Variants in KLHL23 observed in about 807,000 individuals in gnomAD.
KLHL23 encodes kelch like family member 23.
In KLHL23, 33 loss-of-function variants were observed where a neutral mutation model predicts 48.9. The observed-to-expected ratio is 0.67, with a 90% CI of 0.51 to 0.90. KLHL23 has a LOEUF of 0.90. Ranked by LOEUF, KLHL23 falls within the 40% of genes least tolerant of loss-of-function variation. The pLI is 0.00. For synonymous variants in KLHL23, 234 were observed against 231.6 expected (o/e 1.01, Z -0.09); for missense variants, 608 against 669.6 (o/e 0.91, Z 1.02).
Position 169,750,103 on chromosome 2 carries a change from C to CGT in KLHL23, c.*371_*372insGT, listed in dbSNP as rs1449644613. 2.8e-4 allele frequency: 2 copies of CGT among 7,038 alleles called. 1 individual carries two copies. The highest frequency in any genetic ancestry group is 0.018 in the East Asian group (2 of 114). The allele number at this position is 7,038 out of a possible 1,614,324, so 0.4% of individuals were successfully genotyped here. On this transcript the variant is annotated 3_prime_UTR_variant, in exon 4 of 4. Coordinates refer to ENST00000392647, the MANE Select transcript of KLHL23 (RefSeq NM_144711.6). Reference sequence around the variant, plus strand: ...ATGTATGTATACATATATGTGTATACATATATATGTGTGTATATATATACA... The same window carrying CGT: ...ATGTATGTATACATATATGTGTATACGTATATATATGTGTGTATATATATACA...
At chr2:169,736,533 A>G (rs1156477761) in intron 2 of KLHL23, among the ~76,000 whole-genome samples, 1 of 152,230 alleles carries the variant, frequency 6.6e-6, no homozygotes, top group Non-Finnish European at 1.5e-5. Flanking sequence ...TCCTCTCAAA[A>G]TACGCTGATC....
chr2:169,741,362 A>T (rs779670661), intron 2 of KLHL23, 23 bp from the exon 3 acceptor site: 2 of 1,587,694 alleles, frequency 1.3e-6, no homozygotes, highest in East Asian at 2.3e-5. Flanking sequence ...CAATCTAAAG[A>T]TGTGATTTTA....
At chr2:169,747,445 A>C (rs1574529234) in intron 3 of KLHL23, among the ~76,000 whole-genome samples, 2 of 131,330 alleles carry the variant, frequency 1.5e-5, no homozygotes, top group Admixed American at 8.6e-5. Context: ...GTTGTCTTCC[A>C]CTCCTAAAGA....
At chr2:169,747,683 C>T (rs1387723918) in intron 3 of KLHL23, among the ~76,000 whole-genome samples, 1 of 151,134 alleles carries the variant, frequency 6.6e-6, no homozygotes, top group East Asian at 1.9e-4. Context: ...AATGTGAGGA[C>T]ACATTGGGAC....
chr2:169,737,581 A>G (rs12470910), intron 2 of KLHL23, among the ~76,000 whole-genome samples: 35,090 of 151,742 alleles, frequency 0.23, 4,642 homozygotes, highest in South Asian at 0.45. Flanking sequence ...AACAGTTTCA[A>G]TGGTTTTGTG....
intron 3 of KLHL23, among the ~76,000 whole-genome samples, chr2:169,744,562 ATT>A (rs139426346): frequency 1.4e-5 from 2 of 145,418 alleles, no homozygotes; most frequent in African/African-American, 2.5e-5. Flanking sequence ...AGTCTGGGTA[ATT>A]TTTTTTTTTT....
intron 3 of KLHL23, among the ~76,000 whole-genome samples, chr2:169,745,087 A>G (rs886394499): frequency 5.5e-5 from 8 of 144,588 alleles, no homozygotes; most frequent in African/African-American, 2.0e-4. Flanking sequence ...TAATTTTTGT[A>G]TTTTTTTTTA....
rs1688900350 is a variant in KLHL23 at position 169,749,911 on chromosome 2, T to C, written c.*179T>C. ...CATGGTGATTCATGGTCAAGAAAAA[T>C]CTTATATATATATATATATACACAC... On this transcript the variant is annotated 3_prime_UTR_variant, in exon 4 of 4. Transcript: ENST00000392647. The C allele has an allele frequency of 3.4e-6, 1 of 293,818 alleles. No homozygotes were observed. The highest frequency in any genetic ancestry group is 7.4e-5 in the Admixed American group (1 of 13,442). 18.2% of individuals were successfully genotyped at this position (293,818 alleles called of 1,614,324 possible). A position where few individuals can be genotyped will look rare whatever the true frequency, so the allele number is the denominator to read the frequency against.
chr2:169,734,894 A>T, intron 1 of KLHL23, 119 bp from the exon 2 acceptor site: 1 of 1,309,152 alleles, frequency 7.6e-7, no homozygotes, highest in Non-Finnish European at 1.0e-6. Flanking sequence ...TTTATTATTT[A>T]GATGCTGAAC....
chr2:169,741,884 A>C (rs1030425076), intron 3 of KLHL23, among the ~76,000 whole-genome samples: 1 of 152,248 alleles, frequency 6.6e-6, no homozygotes, highest in Non-Finnish European at 1.5e-5. Context: ...GTTGAAAAGC[A>C]CCATTCTATC....
At chr2:169,739,928 T>G (rs1041047975) in intron 2 of KLHL23, among the ~76,000 whole-genome samples, 3 of 152,196 alleles carry the variant, frequency 2.0e-5, no homozygotes, top group African/African-American at 7.2e-5. Context: ...AACACAATGG[T>G]AAGTCTTTGT....
At chr2:169,740,549 C>T (rs896003216) in intron 2 of KLHL23, among the ~76,000 whole-genome samples, 2 of 146,844 alleles carry the variant, frequency 1.4e-5, no homozygotes, top group East Asian at 4.1e-4. Context: ...CCTGGGTTCA[C>T]GCCATTCTCC....
intron 2 of KLHL23, among the ~76,000 whole-genome samples, chr2:169,736,783 CCTT>C (rs1306784722): frequency 2.0e-5 from 3 of 152,122 alleles, no homozygotes; most frequent in South Asian, 2.1e-4. Context: ...GCCTTGCTCT[CCTT>C]CTCTCCCACT....
At position 169,735,248 on chromosome 2, in the gene KLHL23, A is replaced by G; in HGVS notation, c.234A>G (p.Ile78Met). The G allele has an allele frequency of 6.2e-7, 1 of 1,604,418 alleles. No individual in the cohort carries two copies. Among genetic ancestry groups the G allele is most frequent in the Non-Finnish European group, 8.5e-7 (1 of 1,177,872 alleles). Residue 78 changes from isoleucine to methionine, a missense_variant, in exon 2 of 4, where the codon ATA becomes ATG. Physicochemically the swap from Ile to Met is conservative, Grantham distance 10. Around this residue, in one of 3 missense-constraint regions of KLHL23, gnomAD observed 419 missense variants for 473.1 expected, o/e 0.89. Transcript: ENST00000392647. The surrounding 1 kb of genome is among the most constrained non-coding windows in gnomAD (Gnocchi z 4.5). ...ADMKEKFKNK[I>M]KLSGIHHDIL... Reference sequence around the variant, plus strand: ...TGAAAGAAAAATTTAAAAATAAAATAAAACTCTCTGGCATCCACCATGATA... The same window carrying G: ...TGAAAGAAAAATTTAAAAATAAAATGAAACTCTCTGGCATCCACCATGATA...
At position 169,751,611 on chromosome 2, in the gene KLHL23, A is replaced by G. The variant is rs1305114493; in HGVS notation, c.*1879A>G. On this transcript the variant is annotated 3_prime_UTR_variant, in exon 4 of 4. Coordinates refer to ENST00000392647, the MANE Select transcript of KLHL23 (RefSeq NM_144711.6). ...AACTCCATGTCAAGAAAGTGGGATAAGAAAAATAGTGAAGTATTATACTGC... is the reference window on the plus strand; with the variant it reads ...AACTCCATGTCAAGAAAGTGGGATAGGAAAAATAGTGAAGTATTATACTGC... 1 of 152,246 alleles carries G rather than the reference A, an allele frequency of 6.6e-6. No homozygotes were observed. The highest frequency in any genetic ancestry group is 1.9e-4 in the East Asian group (1 of 5,202). The allele number at this position is 152,246 out of a possible 1,614,324, so 9.4% of individuals were successfully genotyped here.
rs371923754 is a variant in KLHL23 at position 169,741,630 on chromosome 2, A to G, written c.1366+93A>G. On this transcript the variant is annotated intron_variant, in intron 3 of 3. Coordinates refer to ENST00000392647, the MANE Select transcript of KLHL23 (RefSeq NM_144711.6). ...AATGGACTGGAAATAGAAAATGCTG[A>G]TTTTATTGTAGACTACACATGGGTA... The G allele has an allele frequency of 9.0e-6, 13 of 1,443,636 alleles. No homozygotes were observed. The African/African-American group carries it at 9.9e-5, about 11-fold the overall frequency. 89.4% of individuals were successfully genotyped at this position (1,443,636 alleles called of 1,614,324 possible). A position where few individuals can be genotyped will look rare whatever the true frequency, so the allele number is the denominator to read the frequency against.
In KLHL23 at chr2:169,751,721, C is replaced by A. The variant is rs1430538094; in HGVS notation, c.*1989C>A. The A allele has an allele frequency of 6.6e-6, 1 of 152,144 alleles. No individual in the cohort carries two copies. The highest frequency in any genetic ancestry group is 1.5e-5 in the Non-Finnish European group (1 of 68,024). 9.4% of individuals were successfully genotyped at this position (152,144 alleles called of 1,614,324 possible). On this transcript the variant is annotated 3_prime_UTR_variant, in exon 4 of 4. Transcript: ENST00000392647. ...AATGAGCACAATACAAAATAGTATG[C>A]ATACTATGATTGTGACTTTGTAAAA...
intron 3 of KLHL23, among the ~76,000 whole-genome samples, chr2:169,749,186 A>C (rs1194996312): frequency 6.6e-6 from 1 of 152,208 alleles, no homozygotes; most frequent in East Asian, 1.9e-4. Flanking sequence ...CTACAGAGCC[A>C]GCTAAGGACA....
At position 169,751,012 on chromosome 2, in the gene KLHL23, T is replaced by A. The variant is rs1265102304; in HGVS notation, c.*1280T>A. ...ACTAGATTTTGTGACTTAAGTCATTTAACCTCTCCTTGATTAGAGCTTCCT... is the reference window on the plus strand; with the variant it reads ...ACTAGATTTTGTGACTTAAGTCATTAAACCTCTCCTTGATTAGAGCTTCCT... On this transcript the variant is annotated 3_prime_UTR_variant, in exon 4 of 4. Coordinates refer to ENST00000392647, the MANE Select transcript of KLHL23 (RefSeq NM_144711.6). 1 of 152,262 alleles carries A rather than the reference T, an allele frequency of 6.6e-6. No homozygotes were observed. Among genetic ancestry groups the A allele is most frequent in the Non-Finnish European group, 1.5e-5 (1 of 68,050 alleles). The allele number at this position is 152,262 out of a possible 1,614,324, so 9.4% of individuals were successfully genotyped here. A position where few individuals can be genotyped will look rare whatever the true frequency, so the allele number is the denominator to read the frequency against.
Sources: gnomAD v4.1 joint callset for allele counts (sites outside exome capture counted in the v4.1 genomes callset) on GRCh38, gnomAD v4.1.1 for gene constraint, gnomAD v4.1.1 regional missense constraint, Gnocchi (gnomAD v3.1) non-coding constraint, MANE v1.5 for transcripts, NCBI Gene and HGNC (gene_info 2026-07-23, HGNC 2026-07-21) for gene names.